Variants in HELZ observed in about 807,000 individuals in gnomAD.
HELZ encodes the protein ATP-dependent RNA helicase with zinc finger domain.
In HELZ, 23 loss-of-function variants were observed where a neutral mutation model predicts 218.2. That is an observed-to-expected ratio of 0.11 (90% CI 0.08 to 0.15). The LOEUF (loss-of-function observed/expected upper bound fraction) is 0.15. HELZ is among the 10% of genes least tolerant of loss of function. The pLI is 1.00. For synonymous variants in HELZ, 814 were observed against 829.4 expected (o/e 0.98, Z 0.32); for missense variants, 1,813 against 2,353.7 (o/e 0.77, Z 4.75).
In HELZ at chr17:67,073,236, T is replaced by A. The variant is rs1369724144; in HGVS notation, c.*5016A>T. On this transcript the variant is annotated 3_prime_UTR_variant, in exon 33 of 33. Transcript: ENST00000358691. ...AAAAGGTAATATCGATTTCCCCTCC[T>A]CTACATAGTTCTAAGGCAGGCAATC... 1.3e-5 allele frequency: 2 copies of A among 152,570 alleles called. No individual in the cohort carries two copies. The highest frequency in any genetic ancestry group is 2.9e-5 in the Non-Finnish European group (2 of 68,038). The allele number at this position is 152,570 out of a possible 1,614,324, so 9.5% of individuals were successfully genotyped here. A position where few individuals can be genotyped will look rare whatever the true frequency, so the allele number is the denominator to read the frequency against.
chr17:67,218,483 C>G, intron 4 of HELZ, 112 bp downstream of exon 4: 1 of 818,286 alleles, frequency 1.2e-6, no homozygotes, highest in Non-Finnish European at 2.1e-6. Context: ...CAATCACCAG[C>G]CACTTCACTC....
chr17:67,157,882 T>C (rs1273551186), intron 17 of HELZ, among the ~76,000 whole-genome samples: 3 of 152,144 alleles, frequency 2.0e-5, no homozygotes, highest in East Asian at 3.8e-4. Flanking sequence ...CACCCCTCCA[T>C]AGATGACCTC....
At chr17:67,140,301 C>G (rs923622841) in intron 21 of HELZ, among the ~76,000 whole-genome samples, 2 of 152,202 alleles carry the variant, frequency 1.3e-5, no homozygotes, top group Non-Finnish European at 2.9e-5. Flanking sequence ...CCAACAACTG[C>G]TCCATAAGTT....
chr17:67,219,317 T>C (rs907568166), intron 3 of HELZ, among the ~76,000 whole-genome samples: 1 of 152,196 alleles, frequency 6.6e-6, no homozygotes, highest in African/African-American at 2.4e-5. Flanking sequence ...GTATGAACTG[T>C]CCATTAATTC....
chr17:67,213,072 T>C (rs1329145884), intron 5 of HELZ, among the ~76,000 whole-genome samples: 1 of 152,224 alleles, frequency 6.6e-6, no homozygotes, highest in Non-Finnish European at 1.5e-5. Context: ...CATATGCTCC[T>C]TCAGCATTTA....
chr17:67,094,459 T>A (rs1398292432), intron 31 of HELZ, among the ~76,000 whole-genome samples: 1 of 151,442 alleles, frequency 6.6e-6, no homozygotes, highest in East Asian at 1.9e-4. Context: ...GACAGAGAGA[T>A]ACAGACACAC....
At chr17:67,138,519 C>A (rs1166808549) in intron 21 of HELZ, among the ~76,000 whole-genome samples, 1 of 152,168 alleles carries the variant, frequency 6.6e-6, no homozygotes, top group African/African-American at 2.4e-5. Flanking sequence ...AACTAACCAA[C>A]CAACTAGAAG....
chr17:67,140,930 A>G (rs2038302662), intron 21 of HELZ, among the ~76,000 whole-genome samples: 1 of 152,254 alleles, frequency 6.6e-6, no homozygotes, highest in Non-Finnish European at 1.5e-5. Context: ...ACATATTTCA[A>G]TGTGCTAAAA....
chr17:67,167,756 T>C lies in HELZ; in HGVS notation c.1471A>G (p.Met491Val), dbSNP rs562568826. ...KVQLQILASF[M>V]LTGVSGGAKY... Reference sequence around the variant, plus strand: ...GCACCTCCAGAAACACCAGTGAGCATGAAGCTTGCCAGAATCTGCAATTGC... The same window carrying C: ...GCACCTCCAGAAACACCAGTGAGCACGAAGCTTGCCAGAATCTGCAATTGC... Residue 491 changes from methionine to valine, a missense_variant, in exon 14 of 33, where the codon ATG becomes GTG. Physicochemically the swap from Met to Val is conservative, Grantham distance 21. Around this residue, in one of 4 missense-constraint regions of HELZ, gnomAD observed 714 missense variants for 1,029.2 expected, o/e 0.69. Transcript: ENST00000358691. The C allele has an allele frequency of 2.5e-6, 4 of 1,612,824 alleles. No homozygotes were observed. The highest frequency in any genetic ancestry group is 2.2e-5 in the South Asian group (2 of 90,954).
In HELZ at chr17:67,119,285, A is replaced by G. The variant is rs12449901; in HGVS notation, c.3838+1120T>C. Among the ~76,000 whole-genome samples, 145 of 152,348 alleles carry G rather than the reference A, an allele frequency of 9.5e-4. 3 individuals carry two copies. The highest frequency in any genetic ancestry group is 8.0e-3 in the Admixed American group (122 of 15,306). On this transcript the variant is annotated intron_variant, in intron 27 of 32. Transcript: ENST00000358691. ...GATGGATGAATAAACATATTGCGGT[A>G]CATCCATACAACTGAATACTAACGG...
intron 6 of HELZ, among the ~76,000 whole-genome samples, chr17:67,202,825 A>T (rs1352901878): frequency 6.6e-6 from 1 of 152,190 alleles, no homozygotes; most frequent in Non-Finnish European, 1.5e-5. Flanking sequence ...TAATAATTAA[A>T]TATCATTTTG....
chr17:67,190,976 G>A (rs973138486), intron 9 of HELZ, among the ~76,000 whole-genome samples: 1 of 152,150 alleles, frequency 6.6e-6, no homozygotes, highest in Non-Finnish European at 1.5e-5. Context: ...CCAAAGTGCT[G>A]GGATTATAGG....
chr17:67,185,279 T>C (rs117532093), intron 12 of HELZ, among the ~76,000 whole-genome samples: 1,799 of 152,342 alleles, frequency 0.012, 12 homozygotes, highest in South Asian at 0.023. Flanking sequence ...TAAACATATT[T>C]TCTGCTGACA....
intron 13 of HELZ, among the ~76,000 whole-genome samples, chr17:67,175,399 T>C (rs979087643): frequency 1.8e-4 from 28 of 152,290 alleles, no homozygotes; most frequent in African/African-American, 6.7e-4. Flanking sequence ...CTTAGTTATT[T>C]TATTTATAAA....
At chr17:67,239,986 T>C (rs2041279312) in intron 2 of HELZ, among the ~76,000 whole-genome samples, 1 of 152,192 alleles carries the variant, frequency 6.6e-6, no homozygotes, top group Non-Finnish European at 1.5e-5. Context: ...GTGCAGCTTA[T>C]CCTAAAATTC....
chr17:67,244,408 G>A (rs920690388), intron 1 of HELZ, among the ~76,000 whole-genome samples: 6 of 152,220 alleles, frequency 3.9e-5, no homozygotes, highest in Non-Finnish European at 7.3e-5. Context: ...AGGCGAGGGT[G>A]CAGAAGGCTC....
intron 17 of HELZ, among the ~76,000 whole-genome samples, chr17:67,152,663 C>T (rs1436411622): frequency 6.7e-6 from 1 of 149,240 alleles, no homozygotes; most frequent in African/African-American, 2.5e-5. Flanking sequence ...CAAGGCAATA[C>T]ATAAGTTTGG....
intron 3 of HELZ, among the ~76,000 whole-genome samples, chr17:67,230,790 G>C (rs1291895253): frequency 6.6e-6 from 1 of 151,800 alleles, no homozygotes; most frequent in Non-Finnish European, 1.5e-5. Context: ...CCCCTTAAAA[G>C]CCATCTTCAA....
intron 6 of HELZ, 42 bp from the exon 7 acceptor site, chr17:67,201,227 T>C (rs1248565845): frequency 7.4e-7 from 1 of 1,357,684 alleles, no homozygotes; most frequent in Non-Finnish European, 1.0e-6. Context: ...ATTAGTATAT[T>C]AATTCTTTAC....
Sources: gnomAD v4.1 joint callset for allele counts (sites outside exome capture counted in the v4.1 genomes callset) on GRCh38, gnomAD v4.1.1 for gene constraint, gnomAD v4.1.1 regional missense constraint, MANE v1.5 for transcripts, NCBI Gene and HGNC (gene_info 2026-07-23, HGNC 2026-07-21) for gene names.